PTPN4: variants seen among roughly 807,000 people sequenced by gnomAD.
The protein encoded by PTPN4 is tyrosine-protein phosphatase non-receptor type 4.
In PTPN4, 49 loss-of-function variants were observed where a neutral mutation model predicts 135.5. The ratio of observed to expected loss-of-function variants is 0.36; its 90% CI spans 0.29 to 0.46. The LOEUF is 0.46. PTPN4 is among the 20% of genes least tolerant of loss of function. PTPN4 has a pLI of 1.00. For missense variants in PTPN4, 860 were observed against 1,101.0 expected (o/e 0.78, Z 3.10); for synonymous variants, 333 against 369.9 (o/e 0.90, Z 1.14).
chr2:119,944,702 G>C (rs1679107926), intron 15 of PTPN4, among the ~76,000 whole-genome samples: 1 of 152,048 alleles, frequency 6.6e-6, no homozygotes, highest in African/African-American at 2.4e-5. Context: ...GGCTGGAATA[G>C]TTACTTTATC....
intron 3 of PTPN4, among the ~76,000 whole-genome samples, chr2:119,874,758 A>G (rs780825917): frequency 5.9e-5 from 9 of 152,186 alleles, no homozygotes; most frequent in African/African-American, 9.6e-5. Context: ...AAAATGGTAA[A>G]TTTTGTGGTG....
chr2:119,906,636 C>T (rs1558760781), intron 10 of PTPN4, among the ~76,000 whole-genome samples: 1 of 152,246 alleles, frequency 6.6e-6, no homozygotes, highest in East Asian at 1.9e-4. Flanking sequence ...TAAAAACTCT[C>T]AACAAATTAG....
intron 18 of PTPN4, among the ~76,000 whole-genome samples, chr2:119,949,019 T>TA (rs1172368328): frequency 1.3e-5 from 2 of 152,106 alleles, no homozygotes; most frequent in Non-Finnish European, 2.9e-5. Flanking sequence ...CTCACACGCA[T>TA]AAAAAAAGTA....
intron 19 of PTPN4, among the ~76,000 whole-genome samples, chr2:119,954,791 T>C (rs193070456): frequency 2.0e-5 from 3 of 152,358 alleles, no homozygotes; most frequent in Admixed American, 2.0e-4. Context: ...TTGTAACTTC[T>C]CATAGTTAAA....
At chr2:119,848,104 GTAGAT>G (rs535163889) in intron 2 of PTPN4, among the ~76,000 whole-genome samples, 1 of 151,030 alleles carries the variant, frequency 6.6e-6, no homozygotes, top group South Asian at 2.1e-4. Context: ...TTTTGCATGA[GTAGAT>G]TAGTGTTTTT....
intron 13 of PTPN4, among the ~76,000 whole-genome samples, chr2:119,931,433 C>CTTTCTTT (rs1558767480): frequency 3.6e-5 from 3 of 83,356 alleles, no homozygotes; most frequent in South Asian, 3.8e-4. Context: ...TTCTTTCTTT[C>CTTTCTTT]TTTTTTTTTT....
chr2:119,841,907 C>T (rs1677387177), intron 2 of PTPN4, among the ~76,000 whole-genome samples: 1 of 152,090 alleles, frequency 6.6e-6, no homozygotes, highest in South Asian at 2.1e-4. Flanking sequence ...TTTGAGGTAA[C>T]TAATTTTAAC....
intron 1 of PTPN4, among the ~76,000 whole-genome samples, chr2:119,782,198 C>G (rs111830756): frequency 6.6e-6 from 1 of 152,100 alleles, no homozygotes; most frequent in African/African-American, 2.4e-5. Flanking sequence ...GGGCAGATCA[C>G]TTGAGGTCAG....
At chr2:119,944,579 TG>T (rs1679106578) in intron 15 of PTPN4, among the ~76,000 whole-genome samples, 1 of 152,218 alleles carries the variant, frequency 6.6e-6, no homozygotes, top group Admixed American at 6.5e-5. Flanking sequence ...GCTCTGGTGA[TG>T]ATCTCAGCAC....
At chr2:119,813,669 G>A (rs925041386) in intron 2 of PTPN4, among the ~76,000 whole-genome samples, 1 of 152,156 alleles carries the variant, frequency 6.6e-6, no homozygotes, top group Admixed American at 6.5e-5. Flanking sequence ...ATTTGTCAAG[G>A]TTGTCACAGA....
chr2:119,822,353 C>G lies in PTPN4; in HGVS notation c.138+12362C>G, dbSNP rs115495636. Among the ~76,000 whole-genome samples, 918 of 134,618 alleles carry G rather than the reference C, an allele frequency of 6.8e-3. 9 individuals are homozygous for G. The highest frequency in any genetic ancestry group is 0.022 in the African/African-American group (842 of 37,774). 88.3% of individuals were successfully genotyped at this position (134,618 alleles called of 152,430 possible). A position where few individuals can be genotyped will look rare whatever the true frequency, so the allele number is the denominator to read the frequency against. On this transcript the variant is annotated intron_variant, in intron 2 of 26. Transcript: ENST00000263708. ...TATCTTCCAAAGTGTATTAGTATCC[C>G]CTCCCCCCCCCTTTTTTTTTTTTGA...
At chr2:119,915,348 C>T (rs1432776895) in intron 11 of PTPN4, 106 bp downstream of exon 11, 4 of 823,774 alleles carry the variant, frequency 4.9e-6, no homozygotes, top group Middle Eastern at 2.4e-4. Context: ...GCAATTAATA[C>T]TGTGGATAAC....
intron 2 of PTPN4, among the ~76,000 whole-genome samples, chr2:119,832,241 A>G (rs951588858): frequency 3.3e-5 from 5 of 152,138 alleles, no homozygotes; most frequent in Non-Finnish European, 5.9e-5. Context: ...CTTTGTTTCT[A>G]CTTTTTTTCC....
chr2:119,893,912 AAAC>A (rs1678278207), intron 9 of PTPN4, among the ~76,000 whole-genome samples: 1 of 152,148 alleles, frequency 6.6e-6, no homozygotes, highest in African/African-American at 2.4e-5. Flanking sequence ...ATGAAAAAAA[AAAC>A]AAAAACGGAG....
chr2:119,982,294 G>A lies in PTPN4; in HGVS notation c.*5224G>A, dbSNP rs1274204809. On this transcript the variant is annotated 3_prime_UTR_variant, in exon 27 of 27. Coordinates refer to ENST00000263708, the MANE Select transcript of PTPN4 (RefSeq NM_002830.4). ...ACTTCTTTAATTTCATTGTTTAAAG[G>A]AGATAAAATGTTATTTGTGTGTCTT... 20 of 152,068 alleles carry A rather than the reference G, an allele frequency of 1.3e-4. No individual in the cohort carries two copies. The highest frequency in any genetic ancestry group is 1.2e-3 in the Admixed American group (19 of 15,254). The allele number at this position is 152,068 out of a possible 1,614,324, so 9.4% of individuals were successfully genotyped here.
chr2:119,802,178 C>G (rs1691388785), intron 1 of PTPN4, among the ~76,000 whole-genome samples: 1 of 152,176 alleles, frequency 6.6e-6, no homozygotes, highest in Non-Finnish European at 1.5e-5. Context: ...GCTGGGATTA[C>G]CGGCCACCGT....
intron 9 of PTPN4, 40 bp downstream of exon 9, chr2:119,885,922 C>A: frequency 5.3e-6 from 7 of 1,325,574 alleles, no homozygotes; most frequent in Non-Finnish European, 7.3e-6. Context: ...TTGAGTTAGG[C>A]TCCGTTACTC....
At chr2:119,937,633 A>T (rs1679002228) in intron 15 of PTPN4, among the ~76,000 whole-genome samples, 1 of 152,234 alleles carries the variant, frequency 6.6e-6, no homozygotes, top group South Asian at 2.1e-4. Flanking sequence ...ACTGAAATAA[A>T]TTGTGCACAT....
rs115816576 is a variant in PTPN4 at position 119,784,817 on chromosome 2, C to T, written c.-18+24433C>T. ...CCTACCAAAGTGCTAAGATTATAGG[C>T]GTGAGCCACCATGCCTGGTCAGTCT... On this transcript the variant is annotated intron_variant, in intron 1 of 26. Transcript: ENST00000263708. Among the ~76,000 whole-genome samples, 644 of 149,248 alleles carry T rather than the reference C, an allele frequency of 4.3e-3. 1 individual carries two copies. Among genetic ancestry groups the T allele is most frequent in the Middle Eastern group, 0.024 (7 of 286 alleles).
Sources: allele counts gnomAD v4.1 joint callset (sites outside exome capture counted in the v4.1 genomes callset), GRCh38; gene constraint gnomAD v4.1.1; transcripts MANE v1.5; gene names NCBI Gene and HGNC (gene_info 2026-07-23, HGNC 2026-07-21).